Variants in FHOD3 observed in about 807,000 individuals in gnomAD.
FHOD3 encodes FH1/FH2 domain-containing protein 3.
A neutral mutation model predicts 173.0 loss-of-function variants in FHOD3; 90 were observed. That is an observed-to-expected ratio of 0.52 (90% confidence interval 0.44 to 0.62). FHOD3 has a LOEUF of 0.62. FHOD3 is among the 20% of genes least tolerant of loss of function. FHOD3 has a pLI of 0.00. For missense variants in FHOD3, 1,945 were observed against 2,034.7 expected, an observed-to-expected ratio of 0.96 and a Z score of 0.85; for synonymous variants, 828 against 823.0, an observed-to-expected ratio of 1.01 and a Z score of -0.10.
rs559470326 is a variant in FHOD3, at chr18:36,346,264, G to A, written c.166-9275G>A. Among the ~76,000 whole-genome samples, 6 of 152,266 alleles carry A rather than the reference G, an allele frequency of 3.9e-5. No individual in the cohort carries two copies. In the South Asian group the frequency reaches 1.2e-3, roughly 32 times the overall value. On this transcript the variant is annotated intron_variant, in intron 1 of 28. Coordinates refer to ENST00000590592, the MANE Select transcript of FHOD3 (RefSeq NM_001281740.3). Reference sequence around the variant, plus strand: ...ACCTGCAGTCCCAGCTACTTGGGGGGCTGAGGCAGGAGGGTCACTTGAGCC... The same window carrying A: ...ACCTGCAGTCCCAGCTACTTGGGGGACTGAGGCAGGAGGGTCACTTGAGCC...
At chr18:36,470,918 C>T (rs1224461686) in intron 3 of FHOD3, among the ~76,000 whole-genome samples, 18 of 152,092 alleles carry the variant, frequency 1.2e-4, no homozygotes, top group Admixed American at 8.5e-4. Flanking sequence ...TGGTGCCTTC[C>T]GTGGGGTCTT....
chr18:36,624,355 T>C (rs2033933670), intron 9 of FHOD3, among the ~76,000 whole-genome samples: 1 of 152,064 alleles, frequency 6.6e-6, no homozygotes, highest in African/African-American at 2.4e-5. Context: ...GCACACCTGG[T>C]TCATTAGTGG....
At position 36,708,347 on chromosome 18, in the gene FHOD3, T is replaced by G. The variant is rs1006159621; in HGVS notation, c.2237-748T>G. 4.6e-5 allele frequency among the ~76,000 whole-genome samples: 7 copies of G among 152,250 alleles called. No homozygotes were observed. In the South Asian group the frequency reaches 1.4e-3, roughly 32 times the overall value. On this transcript the variant is annotated intron_variant, in intron 17 of 28. Transcript: ENST00000590592. ...TCAGCCAACTGATTTCAGGACACATTAGCTGTTTTTCATCAGCTTGATCCA... is the reference window on the plus strand; with the variant it reads ...TCAGCCAACTGATTTCAGGACACATGAGCTGTTTTTCATCAGCTTGATCCA...
chr18:36,641,490 A>G (rs939083121), intron 10 of FHOD3, among the ~76,000 whole-genome samples: 1 of 152,182 alleles, frequency 6.6e-6, no homozygotes, highest in Non-Finnish European at 1.5e-5. Flanking sequence ...TAAACAGCCA[A>G]GTTTTGCTTC....
chr18:36,637,569 C>A (rs759881706), intron 10 of FHOD3, among the ~76,000 whole-genome samples: 15 of 152,200 alleles, frequency 9.9e-5, no homozygotes, highest in Non-Finnish European at 1.6e-4. Context: ...ACTCCTATTT[C>A]CTTGTGCCTC....
At chr18:36,505,266 A>G (rs1379582843) in intron 4 of FHOD3, among the ~76,000 whole-genome samples, 1 of 152,254 alleles carries the variant, frequency 6.6e-6, no homozygotes, top group Non-Finnish European at 1.5e-5. Flanking sequence ...ATATATACCT[A>G]TAGCACAGAA....
intron 9 of FHOD3, among the ~76,000 whole-genome samples, chr18:36,613,415 A>C (rs946980835): frequency 1.3e-5 from 2 of 152,182 alleles, no homozygotes; most frequent in Non-Finnish European, 2.9e-5. Flanking sequence ...GTACTTAACT[A>C]TGAGAGTGTT....
intron 9 of FHOD3, among the ~76,000 whole-genome samples, chr18:36,622,102 A>C (rs1055658330): frequency 2.0e-5 from 3 of 152,224 alleles, no homozygotes; most frequent in Admixed American, 6.5e-5. Context: ...CAAATACTGC[A>C]TATTTTCACT....
intron 3 of FHOD3, among the ~76,000 whole-genome samples, chr18:36,455,615 AATGTATT>A (rs1342390986): frequency 6.6e-6 from 1 of 151,360 alleles, no homozygotes; most frequent in Non-Finnish European, 1.5e-5. Flanking sequence ...CAGGTAAATA[AATGTATT>A]TCATATGGGA....
At chr18:36,680,980 A>G (rs905979061) in intron 14 of FHOD3, among the ~76,000 whole-genome samples, 3 of 152,206 alleles carry the variant, frequency 2.0e-5, no homozygotes, top group Admixed American at 6.5e-5. Flanking sequence ...GGTATCTTTC[A>G]TGATGCTGAG....
At chr18:36,298,085 G>GC in intron 1 of FHOD3, 85 bp downstream of exon 1, 1 of 1,259,388 alleles carries the variant, frequency 7.9e-7, no homozygotes, top group Non-Finnish European at 1.0e-6. Flanking sequence ...GGCTTCGTGG[G>GC]CCCCCTGGGC....
intron 3 of FHOD3, among the ~76,000 whole-genome samples, chr18:36,385,822 A>G (rs1483188366): frequency 1.3e-5 from 2 of 152,198 alleles, no homozygotes; most frequent in Non-Finnish European, 2.9e-5. Context: ...GTGACCATGA[A>G]GGCAACTTCC....
chr18:36,617,583 CTGTGTGTGTGTG>C (rs763613681), intron 9 of FHOD3, among the ~76,000 whole-genome samples: 7 of 116,244 alleles, frequency 6.0e-5, no homozygotes, highest in African/African-American at 1.4e-4. Context: ...TTGTACTTCC[CTGTGTGTGTGTG>C]TGTGTGTGTG....
chr18:36,463,811 G>T (rs564629261), intron 3 of FHOD3, among the ~76,000 whole-genome samples: 185 of 152,272 alleles, frequency 1.2e-3, no homozygotes, highest in African/African-American at 3.8e-3. Context: ...CAATTTATTT[G>T]CAGAAAATAT....
intron 16 of FHOD3, among the ~76,000 whole-genome samples, chr18:36,689,189 C>T (rs1465018772): frequency 1.3e-5 from 2 of 152,152 alleles, no homozygotes; most frequent in East Asian, 1.9e-4. Flanking sequence ...TTAAGAGTTC[C>T]TACTAAGCCA....
chr18:36,492,762 G>A (rs570707880), intron 3 of FHOD3, among the ~76,000 whole-genome samples: 25 of 152,170 alleles, frequency 1.6e-4, no homozygotes, highest in Non-Finnish European at 3.2e-4. Flanking sequence ...GGTACCTCAA[G>A]CCTCCACTAC....
At chr18:36,767,902 A>AT (rs1270023971) in intron 27 of FHOD3, among the ~76,000 whole-genome samples, 5 of 151,694 alleles carry the variant, frequency 3.3e-5, no homozygotes, top group Non-Finnish European at 5.9e-5. Flanking sequence ...ATTGATATCT[A>AT]TTTTTTCTTG....
rs574460925 is a variant in FHOD3 at position 36,441,772 on chromosome 18, T to C, written c.338-60160T>C. ...TCTCTTCATCACATTTTAGACGCAG[T>C]GCCTGCCCCGTGGAACAAAATGTAC... On this transcript the variant is annotated intron_variant, in intron 3 of 28. Coordinates refer to ENST00000590592, the MANE Select transcript of FHOD3 (RefSeq NM_001281740.3). Among the ~76,000 whole-genome samples, 9 of 152,342 alleles carry C rather than the reference T, an allele frequency of 5.9e-5. No individual in the cohort carries two copies. In the East Asian group the frequency reaches 1.5e-3, roughly 26 times the overall value.
intron 18 of FHOD3, among the ~76,000 whole-genome samples, chr18:36,712,654 C>G (rs995047738): frequency 6.6e-6 from 1 of 152,114 alleles, no homozygotes; most frequent in Non-Finnish European, 1.5e-5. Flanking sequence ...AACGCCAATT[C>G]ATCGGAATCT....
Sources: gnomAD v4.1 joint callset for allele counts (sites outside exome capture counted in the v4.1 genomes callset) on GRCh38, gnomAD v4.1.1 for gene constraint, MANE v1.5 for transcripts, NCBI Gene and HGNC (gene_info 2026-07-23, HGNC 2026-07-21) for gene names.